The following THBS4 variants were observed in gnomAD, a reference collection of about 807,000 sequenced individuals.
THBS4 encodes the protein thrombospondin-4.
In THBS4, 90 loss-of-function variants were observed where a neutral mutation model predicts 115.7. That is an observed-to-expected ratio of 0.78 (90% CI 0.66 to 0.93). THBS4 has a LOEUF of 0.93. Ranked by LOEUF, THBS4 falls within the 40% of genes least tolerant of loss-of-function variation. The pLI is 0.00. For synonymous variants in THBS4, 460 were observed against 479.3 expected, an observed-to-expected ratio of 0.96 and a Z score of 0.53; for missense variants, 1,087 against 1,232.7, an observed-to-expected ratio of 0.88 and a Z score of 1.77.
intron 2 of THBS4, among the ~76,000 whole-genome samples, chr5:80,013,712 G>C (rs957972099): frequency 6.6e-6 from 1 of 152,056 alleles, no homozygotes; most frequent in Non-Finnish European, 1.5e-5. Flanking sequence ...CATTTATTAG[G>C]TTTGTGGCCC....
chr5:80,031,876 T>G (rs1223611482), upstream of THBS4, among the ~76,000 whole-genome samples: 1 of 152,168 alleles, frequency 6.6e-6, no homozygotes, highest in East Asian at 1.9e-4. Flanking sequence ...CTGCACCTAT[T>G]AATGGATTAC....
chr5:80,047,714 A>G (rs990003442), intron 2 of THBS4, among the ~76,000 whole-genome samples: 5 of 151,244 alleles, frequency 3.3e-5, no homozygotes, highest in African/African-American at 7.3e-5. Flanking sequence ...GCTCACTGCA[A>G]CTTCCACCTC....
Position 80,059,800 on chromosome 5 carries a change from A to G in THBS4, c.882A>G (p.Pro294=), listed in dbSNP as rs773673292. 1.2e-6 allele frequency: 2 copies of G among 1,613,990 alleles called. No individual in the cohort carries two copies. The highest frequency in any genetic ancestry group is 8.5e-7 in the Non-Finnish European group (1 of 1,179,984). The part of the protein sequence containing the change: ...TRPPRRCDSN[P]CFRGVQCTDS... ...CACCTCGTCGGTGTGACTCCAACCC[A>G]TGTTTCCGAGGTGTCCAATGTACCG... Residue 294 remains proline, a synonymous_variant, in exon 7 of 22, where the codon CCA becomes CCG. Transcript: ENST00000350881.
At chr5:80,012,886 G>C (rs1832155307) in intron 2 of THBS4, among the ~76,000 whole-genome samples, 1 of 152,098 alleles carries the variant, frequency 6.6e-6, no homozygotes, top group African/African-American at 2.4e-5. Context: ...CCTACTGACT[G>C]GGGCTGTCAC....
chr5:80,057,596 C>T (rs969700295), intron 3 of THBS4, among the ~76,000 whole-genome samples: 2 of 152,162 alleles, frequency 1.3e-5, no homozygotes, highest in Non-Finnish European at 2.9e-5. Context: ...TTCACTTTGG[C>T]AGTTAACATA....
chr5:80,001,640 TC>T (rs1031160007), intron 2 of THBS4, among the ~76,000 whole-genome samples: 7 of 152,242 alleles, frequency 4.6e-5, no homozygotes, highest in African/African-American at 1.7e-4. Flanking sequence ...GGGGAGGTGT[TC>T]CAGACAGAAA....
intron 2 of THBS4, among the ~76,000 whole-genome samples, chr5:80,023,284 T>A (rs1407183363): frequency 6.6e-6 from 1 of 152,220 alleles, no homozygotes; most frequent in African/African-American, 2.4e-5. Flanking sequence ...TGTACCTGCA[T>A]ATACACATGT....
chr5:80,036,979 G>T (rs1334537562), intron 1 of THBS4, among the ~76,000 whole-genome samples: 1 of 152,180 alleles, frequency 6.6e-6, no homozygotes, highest in African/African-American at 2.4e-5. Flanking sequence ...TGTGGTTTCA[G>T]GGGTTAGAGT....
In THBS4 at chr5:80,078,918, C is replaced by T; in HGVS notation, c.2266-3C>T. On this transcript the variant is annotated splice_polypyrimidine_tract_variant and splice_region_variant and intron_variant, in intron 17 of 21. Transcript: ENST00000350881. ...TTCTGAACTCCCTCAACTCTCTCTGCAGGGCATGGAGATTGTACAGACCAT... is the reference window on the plus strand; with the variant it reads ...TTCTGAACTCCCTCAACTCTCTCTGTAGGGCATGGAGATTGTACAGACCAT... The T allele has an allele frequency of 6.2e-7, 1 of 1,613,730 alleles. No individual in the cohort carries two copies. The highest frequency in any genetic ancestry group is 8.5e-7 in the Non-Finnish European group (1 of 1,179,696).
intron 2 of THBS4, among the ~76,000 whole-genome samples, chr5:80,008,068 ATGTCGG>A (rs1169545694): frequency 6.6e-6 from 1 of 152,230 alleles, no homozygotes; most frequent in Admixed American, 6.5e-5. Flanking sequence ...TTAACACATC[ATGTCGG>A]TGTCAATGAA....
intron 14 of THBS4, 173 bp downstream of exon 14, chr5:80,072,569 A>G (rs12110039): frequency 0.21 from 135,787 of 644,176 alleles, 16,930 homozygotes; most frequent in East Asian, 0.4. Context: ...GATGAACACC[A>G]CACAAGATCT....
At position 80,050,707 on chromosome 5, in the gene THBS4, G is replaced by C. The variant is rs987874800; in HGVS notation, c.293-5078G>C. 3.3e-5 allele frequency among the ~76,000 whole-genome samples: 5 copies of C among 152,182 alleles called. No individual in the cohort carries two copies. The South Asian group carries it at 1.0e-3, about 32-fold the overall frequency. The stretch of plus-strand genomic sequence containing the variant: ...GTCCCCAGGCAAGAAGAGGGTCTTC[G>C]GGAAAGGGCTGTTATCAATTTTGCT... On this transcript the variant is annotated intron_variant, in intron 2 of 21. Coordinates refer to ENST00000350881, the MANE Select transcript of THBS4 (RefSeq NM_003248.6).
chr5:80,072,463 G>T, intron 14 of THBS4, 67 bp downstream of exon 14: 1 of 1,428,474 alleles, frequency 7.0e-7, no homozygotes, highest in South Asian at 1.2e-5. Context: ...CATTTAAGAC[G>T]GGTGTCTAGA....
intron 3 of THBS4, among the ~76,000 whole-genome samples, chr5:80,057,718 A>T (rs692979): frequency 1.3e-5 from 2 of 152,020 alleles, no homozygotes; most frequent in African/African-American, 2.4e-5. Flanking sequence ...AACCCGTAAT[A>T]TAAAAATATG....
intron 17 of THBS4, 136 bp downstream of exon 17, chr5:80,078,363 T>A: frequency 1.6e-6 from 1 of 641,880 alleles, no homozygotes; most frequent in Non-Finnish European, 2.4e-6. Flanking sequence ...TCAACAGCCC[T>A]ATGACAGACT....
chr5:80,079,669 A>G (rs942093175), intron 19 of THBS4, among the ~76,000 whole-genome samples: 2 of 152,212 alleles, frequency 1.3e-5, no homozygotes, highest in African/African-American at 4.8e-5. Flanking sequence ...GTAGGGAGCA[A>G]TGGATGTGCA....
chr5:80,026,838 A>C (rs1832486070), intron 2 of THBS4, among the ~76,000 whole-genome samples: 1 of 152,068 alleles, frequency 6.6e-6, no homozygotes, highest in Non-Finnish European at 1.5e-5. Context: ...AATTGAAGTC[A>C]TTTTCTCTCT....
chr5:80,026,740 G>A (rs1454729876), intron 2 of THBS4, among the ~76,000 whole-genome samples: 1 of 152,144 alleles, frequency 6.6e-6, no homozygotes, highest in Non-Finnish European at 1.5e-5. Context: ...CAAGCAGTGG[G>A]CCAGATTCAG....
At chr5:80,075,273 A>G (rs1005934631) in intron 15 of THBS4, 4 of 152,336 alleles carry the variant, frequency 2.6e-5, no homozygotes, top group Middle Eastern at 3.4e-3. Context: ...GAACTTAAAC[A>G]TATTTCCCAG....
Sources: allele counts gnomAD v4.1 joint callset (sites outside exome capture counted in the v4.1 genomes callset), GRCh38; gene constraint gnomAD v4.1.1; transcripts MANE v1.5; gene names NCBI Gene and HGNC (gene_info 2026-07-23, HGNC 2026-07-21).